The following OLFM1 variants were observed in gnomAD, a reference collection of about 807,000 sequenced individuals.
OLFM1 encodes the protein olfactomedin 1.
A neutral mutation model predicts 49.7 loss-of-function variants in OLFM1; 9 were observed. That is an observed-to-expected ratio of 0.18 (90% CI 0.11 to 0.32). OLFM1 has a LOEUF of 0.32. OLFM1 is among the 10% of genes least tolerant of loss of function. The pLI, the probability that OLFM1 is intolerant of heterozygous loss-of-function variation, is 1.00. For missense variants in OLFM1, 369 were observed against 661.8 expected (o/e 0.56, Z 4.85); for synonymous variants, 240 against 271.8 (o/e 0.88, Z 1.15).
chr9:135,079,067 G>A lies in OLFM1; in HGVS notation c.96+3265G>A, dbSNP rs576900902. Among the ~76,000 whole-genome samples the A allele has an allele frequency of 6.6e-5, 10 of 152,266 alleles. No homozygotes were observed. In the East Asian group the frequency reaches 1.5e-3, roughly 23 times the overall value. ...GGTACCAGCTGGTTAGATTTAACTC[G>A]GTCAATTCTGGGCTTACAATGTTAA... On this transcript the variant is annotated intron_variant, in intron 1 of 5. Coordinates refer to the OLFM1 transcript ENST00000252854.
intron 4 of OLFM1, among the ~76,000 whole-genome samples, chr9:135,104,668 G>C (rs1460474629): frequency 6.6e-6 from 1 of 152,238 alleles, no homozygotes; most frequent in Non-Finnish European, 1.5e-5. Flanking sequence ...ACCAGCCTCT[G>C]GATGGCAGGG....
chr9:135,078,449 G>C (rs114316736), intron 1 of OLFM1, among the ~76,000 whole-genome samples: 318 of 152,336 alleles, frequency 2.1e-3, no homozygotes, highest in African/African-American at 7.1e-3. Context: ...GGGGCCATCT[G>C]TTCTCCCGAC....
At chr9:135,107,852 C>G (rs1292387046) in intron 5 of OLFM1, among the ~76,000 whole-genome samples, 1 of 152,226 alleles carries the variant, frequency 6.6e-6, no homozygotes, top group Non-Finnish European at 1.5e-5. Flanking sequence ...GGACCCAGCT[C>G]TCTCCCCTCT....
In OLFM1 at chr9:135,120,124, C is replaced by G; in HGVS notation, c.1404C>G (p.His468Gln). The change falls in exon 6 of 6, where the codon CAC becomes CAG. Residue 468 changes from histidine (H) to glutamine (Q), a missense_variant. By Grantham distance (24) the His-to-Gln change is conservative. Around this residue, in one of 3 missense-constraint regions of OLFM1, gnomAD observed 294 missense variants for 567.5 expected, o/e 0.52. Transcript: ENST00000371793. ...CCCTGTATGCCTGGAACAACGGCCA[C>G]CAGATCCTCTACAACGTGACCCTCT... ...DRALYAWNNG[H>Q]QILYNVTLFH... The G allele has an allele frequency of 6.2e-7, 1 of 1,614,038 alleles. No individual in the cohort carries two copies. Among genetic ancestry groups the G allele is most frequent in the Non-Finnish European group, 8.5e-7 (1 of 1,179,994 alleles).
chr9:135,105,448 G>T (rs1295356283), intron 4 of OLFM1, among the ~76,000 whole-genome samples: 2 of 152,220 alleles, frequency 1.3e-5, no homozygotes, highest in Admixed American at 1.3e-4. Context: ...GGCCGGGAGC[G>T]TTCCTCTTTC....
chr9:135,110,001 G>T lies in OLFM1; in HGVS notation c.783+3146G>T, dbSNP rs11103674. 2.1e-4 allele frequency among the ~76,000 whole-genome samples: 32 copies of T among 152,296 alleles called. No individual in the cohort carries two copies. The East Asian group carries it at 5.6e-3, about 27-fold the overall frequency. ...TTATTAAGCACTGACTGTATGTCCG[G>T]CCTGTGCTGAGCACTGAGAGCCCCC... On this transcript the variant is annotated intron_variant, in intron 5 of 5. Coordinates refer to ENST00000371793, the MANE Select transcript of OLFM1 (RefSeq NM_001282611.2).
intron 4 of OLFM1, among the ~76,000 whole-genome samples, chr9:135,101,039 A>G (rs149213372): frequency 2.0e-5 from 3 of 152,252 alleles, no homozygotes; most frequent in Admixed American, 6.5e-5. Flanking sequence ...TAAGCACCAA[A>G]TTAATATCCT....
intron 4 of OLFM1, 118 bp from the exon 5 acceptor site, chr9:135,106,631 C>G (rs570327787): frequency 4.3e-6 from 3 of 705,030 alleles, no homozygotes; most frequent in Non-Finnish European, 7.2e-6. Flanking sequence ...CCCCAGACCC[C>G]GAGGGCAAGA....
At chr9:135,100,561 T>C (rs944315678) in intron 4 of OLFM1, among the ~76,000 whole-genome samples, 7 of 152,202 alleles carry the variant, frequency 4.6e-5, no homozygotes, top group Non-Finnish European at 1.0e-4. Context: ...AATCAGAGCG[T>C]CTGCAGGTGG....
rs1290385658 is a variant in OLFM1 at position 135,120,871 on chromosome 9, A to G, written c.*693A>G. The G allele has an allele frequency of 6.6e-6, 1 of 152,576 alleles. No individual in the cohort carries two copies. The highest frequency in any genetic ancestry group is 6.5e-5 in the Admixed American group (1 of 15,276). The allele number at this position is 152,576 out of a possible 1,614,324, so 9.5% of individuals were successfully genotyped here. ...TTATGCGATGATTGTTGTAAATGCA[A>G]TGCCGTAGTTTGGATTAATAAGTGG... On this transcript the variant is annotated 3_prime_UTR_variant, in exon 6 of 6. Transcript: ENST00000371793.
At chr9:135,092,399 C>T (rs939976664) in intron 2 of OLFM1, among the ~76,000 whole-genome samples, 4 of 152,208 alleles carry the variant, frequency 2.6e-5, no homozygotes, top group African/African-American at 4.8e-5. Flanking sequence ...TCGTAAAGCA[C>T]GCTCACCTTG....
At chr9:135,086,058 C>T (rs991643424), upstream of OLFM1, among the ~76,000 whole-genome samples, 1 of 152,244 alleles carries the variant, frequency 6.6e-6, no homozygotes, top group South Asian at 2.1e-4. Flanking sequence ...ACAAGTGGTC[C>T]TTGTCCTTCC....
intron 4 of OLFM1, among the ~76,000 whole-genome samples, chr9:135,102,162 C>T (rs752835): frequency 0.15 from 23,217 of 152,176 alleles, 1,957 homozygotes; most frequent in African/African-American, 0.21. Context: ...CGTCCCAGCT[C>T]GGGATGGCAG....
chr9:135,100,668 T>TATGTACCTTTTGTAAGGTATTTACAAA (rs1830858723), intron 4 of OLFM1, among the ~76,000 whole-genome samples: 1 of 152,140 alleles, frequency 6.6e-6, no homozygotes, highest in Non-Finnish European at 1.5e-5. Context: ...AGGTAGTAAA[T>TATGTACCTTTTGTAAGGTATTTACAAA]GCCACTCGAT....
chr9:135,098,251 G>A lies in OLFM1; in HGVS notation c.457-35G>A. 6.2e-7 allele frequency: 1 copy of A among 1,604,818 alleles called. No individual in the cohort carries two copies. Among genetic ancestry groups the A allele is most frequent in the Non-Finnish European group, 8.5e-7 (1 of 1,172,620 alleles). On this transcript the variant is annotated intron_variant, in intron 3 of 5. Transcript: ENST00000371793. This position sits in a 1 kb window ranked among gnomAD's most constrained non-coding sequence, Gnocchi z 5.6. ...AGGCAGGGTGTGAGAGTTCTTGCATGCATCGCACTGAACCAGCTTATTTTA... is the reference window on the plus strand; with the variant it reads ...AGGCAGGGTGTGAGAGTTCTTGCATACATCGCACTGAACCAGCTTATTTTA...
At chr9:135,096,106 TTCTTCC>T in intron 3 of OLFM1, 87 bp downstream of exon 3, 1 of 27,124 alleles carries the variant, frequency 3.7e-5, no homozygotes. Flanking sequence ...CCTCCTTCTC[TTCTTCC>T]TCCTCCTCTT....
At chr9:135,084,477 CCT>C (rs59425501), upstream of OLFM1, among the ~76,000 whole-genome samples, 421 of 146,478 alleles carry the variant, frequency 2.9e-3, 16 homozygotes, top group South Asian at 0.047. The surrounding 1 kb of genome is among the most constrained non-coding windows in gnomAD (Gnocchi z 4.6). Flanking sequence ...CTCTGTCTCT[CCT>C]CTCTCTGTTT....
chr9:135,092,344 TG>T (rs1181501291), intron 2 of OLFM1, among the ~76,000 whole-genome samples: 3 of 152,190 alleles, frequency 2.0e-5, no homozygotes, highest in Admixed American at 2.0e-4. Context: ...CCTTGTTTCT[TG>T]GGCAAGAAGG....
At position 135,111,697 on chromosome 9, in the gene OLFM1, G is replaced by A. The variant is rs541561383; in HGVS notation, c.783+4842G>A. On this transcript the variant is annotated intron_variant, in intron 5 of 5. Coordinates refer to ENST00000371793, the MANE Select transcript of OLFM1 (RefSeq NM_001282611.2). Reference sequence around the variant, plus strand: ...CTGCGTCTCTCTGCTGCCCCTCCCAGCTCTGTGACCTTTAGGATATTCTTT... The same window carrying A: ...CTGCGTCTCTCTGCTGCCCCTCCCAACTCTGTGACCTTTAGGATATTCTTT... Among the ~76,000 whole-genome samples the A allele has an allele frequency of 1.2e-3, 184 of 152,210 alleles. 1 individual carries two copies. Among genetic ancestry groups the A allele is most frequent in the Non-Finnish European group, 1.9e-3 (130 of 68,004 alleles).
Sources: gnomAD v4.1 joint callset for allele counts (sites outside exome capture counted in the v4.1 genomes callset) on GRCh38, gnomAD v4.1.1 for gene constraint, gnomAD v4.1.1 regional missense constraint, Gnocchi (gnomAD v3.1) non-coding constraint, MANE v1.5 for transcripts, NCBI Gene and HGNC (gene_info 2026-07-23, HGNC 2026-07-21) for gene names.